Variants in EPHA5 observed in about 807,000 individuals in gnomAD.
The protein encoded by EPHA5 is ephrin type-A receptor 5.
Under a neutral mutation model 105.0 loss-of-function variants are expected in EPHA5, and 60 were observed. That is an observed-to-expected ratio of 0.57 (90% CI 0.46 to 0.71). The LOEUF (loss-of-function observed/expected upper bound fraction) is 0.71. Ranked by LOEUF, EPHA5 falls within the 30% of genes least tolerant of loss-of-function variation. EPHA5 has a pLI of 0.00. For synonymous variants in EPHA5, 513 were observed against 449.1 expected (o/e 1.14, Z -1.80); for missense variants, 1,218 against 1,274.7 (o/e 0.96, Z 0.68).
intron 7 of EPHA5, among the ~76,000 whole-genome samples, chr4:65,406,217 C>A (rs1467528633): frequency 6.6e-6 from 1 of 152,108 alleles, no homozygotes; most frequent in East Asian, 1.9e-4. Flanking sequence ...ATATTTATAT[C>A]TAAACTTACT....
chr4:65,582,445 C>G (rs866673051), intron 3 of EPHA5, among the ~76,000 whole-genome samples: 2 of 149,436 alleles, frequency 1.3e-5, no homozygotes, highest in South Asian at 4.2e-4. Context: ...ATCATTTTTG[C>G]CTGGACACCA....
intron 2 of EPHA5, among the ~76,000 whole-genome samples, chr4:65,629,998 C>T (rs6833583): frequency 6.6e-6 from 1 of 151,978 alleles, no homozygotes; most frequent in African/African-American, 2.4e-5. Context: ...AAAAATAACT[C>T]GTCAGTTACT....
chr4:65,453,179 A>C (rs1301706038), intron 5 of EPHA5, among the ~76,000 whole-genome samples: 1 of 152,190 alleles, frequency 6.6e-6, no homozygotes, highest in Non-Finnish European at 1.5e-5. Flanking sequence ...TAAAAATCCT[A>C]ATTAAAATAT....
intron 5 of EPHA5, among the ~76,000 whole-genome samples, chr4:65,469,492 T>C (rs1452803284): frequency 6.6e-6 from 1 of 152,076 alleles, no homozygotes; most frequent in Admixed American, 6.6e-5. Flanking sequence ...AGGTGATTTA[T>C]ATAGGGCAAT....
intron 5 of EPHA5, among the ~76,000 whole-genome samples, chr4:65,459,403 A>G (rs957439364): frequency 6.6e-6 from 1 of 151,940 alleles, no homozygotes; most frequent in African/African-American, 2.4e-5. Context: ...GTTGAGATAA[A>G]TAATGCACAA....
chr4:65,516,524 T>C (rs1734119101), intron 3 of EPHA5, among the ~76,000 whole-genome samples: 1 of 151,928 alleles, frequency 6.6e-6, no homozygotes, highest in Admixed American at 6.6e-5. Context: ...TTAAAACCCT[T>C]GTCCAAGGGT....
chr4:65,366,336 A>G (rs1717905892), intron 9 of EPHA5, among the ~76,000 whole-genome samples: 1 of 151,866 alleles, frequency 6.6e-6, no homozygotes, highest in Non-Finnish European at 1.5e-5. Flanking sequence ...GCAAATTAAG[A>G]CAATGTTATT....
chr4:65,543,083 G>A (rs1463236764), intron 3 of EPHA5, among the ~76,000 whole-genome samples: 6 of 151,794 alleles, frequency 4.0e-5, no homozygotes, highest in Non-Finnish European at 4.4e-5. Flanking sequence ...AAAATAATAA[G>A]AGCTATTTAT....
At chr4:65,462,439 C>G (rs959635530) in intron 5 of EPHA5, among the ~76,000 whole-genome samples, 1 of 152,138 alleles carries the variant, frequency 6.6e-6, no homozygotes, top group South Asian at 2.1e-4. Flanking sequence ...TCTCACAATT[C>G]TAAACATTGA....
At chr4:65,574,159 T>G in intron 3 of EPHA5, 1 of 1,607,168 alleles carries the variant, frequency 6.2e-7, no homozygotes, top group Non-Finnish European at 8.5e-7. Context: ...GGTGAGATCT[T>G]CGACACAGAA....
chr4:65,419,983 A>C (rs1054066510), intron 6 of EPHA5, among the ~76,000 whole-genome samples: 1 of 152,126 alleles, frequency 6.6e-6, no homozygotes, highest in African/African-American at 2.4e-5. Context: ...TTTATACTAC[A>C]GTGCCAGATG....
intron 8 of EPHA5, among the ~76,000 whole-genome samples, chr4:65,373,111 T>G (rs1283066286): frequency 1.3e-5 from 2 of 151,964 alleles, no homozygotes; most frequent in East Asian, 3.9e-4. Context: ...CTATTAATTT[T>G]TAACTGTTTC....
At chr4:65,448,755 G>A (rs1726802223) in intron 5 of EPHA5, among the ~76,000 whole-genome samples, 1 of 152,160 alleles carries the variant, frequency 6.6e-6, no homozygotes, top group African/African-American at 2.4e-5. Context: ...CCATGTATAT[G>A]TGAGTGTATT....
intron 5 of EPHA5, among the ~76,000 whole-genome samples, chr4:65,490,176 T>C (rs1731261681): frequency 6.6e-6 from 1 of 152,238 alleles, no homozygotes. Context: ...TTTGTTTTCC[T>C]GTAAATGGGA....
Position 65,669,816 on chromosome 4 carries a change from G to A in EPHA5, c.-74C>T, listed in dbSNP as rs2149573050. On this transcript the variant is annotated 5_prime_UTR_variant, in exon 1 of 17. Transcript: ENST00000613740. ...CGCTTCGGCCTCGCAGAGCGGCGAA[G>A]GGAGACTCGGGAGTCCTCCTTGTCC... 1 of 1,233,634 alleles carries A rather than the reference G, an allele frequency of 8.1e-7. No individual in the cohort carries two copies. Among genetic ancestry groups the A allele is most frequent in the Non-Finnish European group, 1.0e-6 (1 of 989,016 alleles). 76.4% of individuals were successfully genotyped at this position (1,233,634 alleles called of 1,614,324 possible).
chr4:65,536,779 G>T (rs1224181725), intron 3 of EPHA5, among the ~76,000 whole-genome samples: 1 of 150,958 alleles, frequency 6.6e-6, no homozygotes, highest in African/African-American at 2.4e-5. Context: ...GTTCCTAAAA[G>T]TTAGGTTTGG....
In EPHA5 at chr4:65,670,169, C is replaced by A. The variant is rs1750337970; in HGVS notation, c.-427G>T. The A allele has an allele frequency of 4.0e-6, 1 of 248,192 alleles. No individual in the cohort carries two copies. The allele number at this position is 248,192 out of a possible 1,614,324, so 15.4% of individuals were successfully genotyped here. A position where few individuals can be genotyped will look rare whatever the true frequency, so the allele number is the denominator to read the frequency against. ...AAGGCAAATCATTTTAAGACGAAAT[C>A]TCCGATTTTTTAAAAAAGGAGGAAA... On this transcript the variant is annotated 5_prime_UTR_variant, in exon 1 of 17. Coordinates refer to ENST00000613740, the MANE Select transcript of EPHA5 (RefSeq NM_001281766.3).
chr4:65,618,061 G>C (rs181604117), intron 2 of EPHA5, among the ~76,000 whole-genome samples: 3 of 152,072 alleles, frequency 2.0e-5, no homozygotes, highest in Admixed American at 2.0e-4. Flanking sequence ...GATGGTATCT[G>C]AAATTCCTAT....
chr4:65,333,633 T>C (rs1300882370), intron 15 of EPHA5, among the ~76,000 whole-genome samples: 1 of 140,194 alleles, frequency 7.1e-6, no homozygotes, highest in African/African-American at 2.7e-5. Flanking sequence ...TTTTTTTTTT[T>C]CCTGACTTTA....
Sources: allele counts gnomAD v4.1 joint callset (sites outside exome capture counted in the v4.1 genomes callset), GRCh38; gene constraint gnomAD v4.1.1; transcripts MANE v1.5; gene names NCBI Gene and HGNC (gene_info 2026-07-23, HGNC 2026-07-21).